CTPS2: variants seen among roughly 807,000 people sequenced by gnomAD.
CTPS2 encodes CTP synthase 2, also known as CTP synthase II.
A neutral mutation model predicts 46.8 loss-of-function variants in CTPS2; 19 were observed. That is an observed-to-expected ratio of 0.41 (90% CI 0.28 to 0.60). CTPS2 has a LOEUF of 0.60. Ranked by LOEUF, CTPS2 falls within the 20% of genes least tolerant of loss-of-function variation. CTPS2 has a pLI of 0.35. For missense variants in CTPS2, 286 were observed against 447.6 expected, an observed-to-expected ratio of 0.64 and a Z score of 3.26; for synonymous variants, 151 against 165.2, an observed-to-expected ratio of 0.91 and a Z score of 0.66.
At chrX:16,645,150 C>CTTT (rs60451307) in intron 13 of CTPS2, among the ~76,000 whole-genome samples, 3 of 97,920 alleles carry the variant, frequency 3.1e-5, no homozygotes, top group African/African-American at 1.1e-4. Flanking sequence ...GCCCGGCTAA[C>CTTT]TTTTTTTTTT....
chrX:16,617,009 T>A, intron 16 of CTPS2, 141 bp downstream of exon 16: 1 of 460,684 alleles, frequency 2.2e-6, no homozygotes, highest in South Asian at 3.6e-5. Flanking sequence ...GTCTGTTTTT[T>A]TCATGTACTT....
At chrX:16,687,369 G>T (rs1245224676) in intron 8 of CTPS2, among the ~76,000 whole-genome samples, 1 of 107,153 alleles carries the variant, frequency 9.3e-6, no homozygotes, top group Non-Finnish European at 1.9e-5. Context: ...CAGCTACTGG[G>T]GACGCTGAGG....
intron 11 of CTPS2, 83 bp downstream of exon 11, chrX:16,670,497 G>A (rs919755184): frequency 7.2e-6 from 5 of 698,797 alleles, no homozygotes; most frequent in Admixed American, 3.1e-5. Context: ...ACACCTTTAC[G>A]ATAACAAACC....
In CTPS2 at chrX:16,639,899, C is replaced by G. The variant is rs775832168; in HGVS notation, c.1297-656G>C. Among the ~76,000 whole-genome samples, 5 of 111,326 alleles carry G rather than the reference C, an allele frequency of 4.5e-5. No homozygotes were observed. The Admixed American group carries it at 4.8e-4, about 11-fold the overall frequency. ...ATCCAGTCTAGCACACTCTGTAGGT[C>G]GGAAACTTAAGTGGCACCCTTGATC... On this transcript the variant is annotated intron_variant, in intron 13 of 18. Transcript: ENST00000359276.
At chrX:16,653,416 T>G (rs1441346355) in intron 13 of CTPS2, among the ~76,000 whole-genome samples, 1 of 112,210 alleles carries the variant, frequency 8.9e-6, no homozygotes, top group African/African-American at 3.2e-5. Context: ...TTCTCCAGCT[T>G]GAACAACACA....
chrX:16,675,963 T>G (rs1922232560), intron 10 of CTPS2, among the ~76,000 whole-genome samples: 1 of 112,291 alleles, frequency 8.9e-6, no homozygotes, highest in Admixed American at 9.5e-5. Context: ...AAAACTGTTC[T>G]TTTGAGCTAT....
intron 14 of CTPS2, among the ~76,000 whole-genome samples, chrX:16,626,296 C>T (rs1006275435): frequency 8.1e-5 from 9 of 111,056 alleles, no homozygotes; most frequent in East Asian, 5.7e-4. Flanking sequence ...GCAGGAGAAT[C>T]GCTTGAACCT....
At chrX:16,630,251 ATTTTT>A (rs148128965) in intron 14 of CTPS2, among the ~76,000 whole-genome samples, 1 of 77,265 alleles carries the variant, frequency 1.3e-5, no homozygotes. Context: ...GTTGTGTTGT[ATTTTT>A]TTTTTTTTTT....
rs112173296 is a variant in CTPS2, at chrX:16,639,313, G to T, written c.1297-70C>A. 6.3e-5 allele frequency: 49 copies of T among 778,692 alleles called. No homozygotes were observed. The South Asian group carries it at 9.7e-4, about 15-fold the overall frequency. The allele number at this position is 778,692 out of a possible 1,213,427, so 64.2% of individuals were successfully genotyped here. On this transcript the variant is annotated intron_variant, in intron 13 of 18. Transcript: ENST00000359276. ...TCATTTCCCAAATTTCAAGCTTTAC[G>T]TTTAAAGGAATGATCATTGGGTAAG...
intron 8 of CTPS2, among the ~76,000 whole-genome samples, chrX:16,684,962 A>G (rs1205268229): frequency 9.0e-6 from 1 of 111,023 alleles, no homozygotes; most frequent in Non-Finnish European, 1.9e-5. Context: ...ATGGTGGTGC[A>G]CGCCTGTAGT....
chrX:16,609,801 G>T, intron 16 of CTPS2, 116 bp from the exon 17 acceptor site: 2 of 757,010 alleles, frequency 2.6e-6, no homozygotes, highest in Non-Finnish European at 3.7e-6. Context: ...TCTTTAACCT[G>T]TTATCATTAC....
intron 13 of CTPS2, among the ~76,000 whole-genome samples, chrX:16,663,992 C>T (rs112461138): frequency 0.12 from 13,195 of 110,335 alleles, 616 homozygotes; most frequent in East Asian, 0.23. Flanking sequence ...CGTGCCACCA[C>T]GCCCAGCTAA....
chrX:16,703,249 A>T (rs1330805002), intron 1 of CTPS2, among the ~76,000 whole-genome samples: 2 of 109,194 alleles, frequency 1.8e-5, no homozygotes, highest in East Asian at 5.8e-4. Context: ...CTGGTCTCCA[A>T]CTCCTGAGCT....
At position 16,639,229 on chromosome X, in the gene CTPS2, G is replaced by C. The variant is rs141322478; in HGVS notation, c.1311C>G (p.Pro437=). Reference sequence around the variant, plus strand: ...CTCCCAAATTGCCAGGGTTGTGCTCGGGCATATCAATCACCTTAGAAAACA... The same window carrying C: ...CTCCCAAATTGCCAGGGTTGTGCTCCGGCATATCAATCACCTTAGAAAACA... The part of the protein sequence containing the change: ...NAPVPLVIDM[P]EHNPGNLGGT... Residue 437 remains proline (P), a synonymous_variant, in exon 14 of 19, where the codon CCC becomes CCG. Transcript: ENST00000359276. 49 of 1,200,214 alleles carry C rather than the reference G, an allele frequency of 4.1e-5. No individual in the cohort carries two copies. In the African/African-American group the frequency reaches 7.4e-4, roughly 18 times the overall value.
At chrX:16,691,462 T>C (rs986721864) in intron 7 of CTPS2, 78 bp downstream of exon 7, 4 of 819,680 alleles carry the variant, frequency 4.9e-6, no homozygotes, top group Admixed American at 4.6e-5. Flanking sequence ...AAAAGTAATA[T>C]GATCATTGAA....
intron 13 of CTPS2, among the ~76,000 whole-genome samples, chrX:16,655,882 G>A (rs945232570): frequency 1.8e-5 from 2 of 109,414 alleles, no homozygotes; most frequent in African/African-American, 3.3e-5. Flanking sequence ...TGCAACCTCC[G>A]CTTCCCGGGC....
intron 11 of CTPS2, among the ~76,000 whole-genome samples, chrX:16,668,256 AAAGAAAGAG>A (rs1921362746): frequency 9.3e-6 from 1 of 107,271 alleles, no homozygotes. Context: ...AGAAGGAAGG[AAAGAAAGAG>A]AAGAAAGAGA....
At chrX:16,609,404 A>T (rs971943095) in intron 17 of CTPS2, 137 bp downstream of exon 17, 26 of 606,433 alleles carry the variant, frequency 4.3e-5, no homozygotes, top group Middle Eastern at 1.0e-3. Flanking sequence ...TCACAAAGAG[A>T]AGAAAATTAT....
chrX:16,697,136 A>T (rs755299079), intron 4 of CTPS2, among the ~76,000 whole-genome samples: 6 of 111,108 alleles, frequency 5.4e-5, no homozygotes, highest in Admixed American at 9.8e-5. Context: ...AGGTTGAGCA[A>T]ACTTGCCCAA....
Sources: allele counts gnomAD v4.1 joint callset (sites outside exome capture counted in the v4.1 genomes callset), GRCh38; gene constraint gnomAD v4.1.1; transcripts MANE v1.5; gene names NCBI Gene and HGNC (gene_info 2026-07-23, HGNC 2026-07-21).